The following JRK variants were observed in gnomAD, a reference collection of about 807,000 sequenced individuals.
JRK encodes the protein Jrk helix-turn-helix protein.
For synonymous variants in JRK, 303 were observed against 218.1 expected, an observed-to-expected ratio of 1.39 and a Z score of -3.43; for missense variants, 720 against 509.2, an observed-to-expected ratio of 1.41 and a Z score of -3.98.
Position 142,659,920 on chromosome 8 carries a change from G to A in JRK, c.*4432C>T, listed in dbSNP as rs587665149. On this transcript the variant is annotated 3_prime_UTR_variant, in exon 2 of 2. Transcript: ENST00000612905. ...CATTTCATGTCATCATCACTGCCCT[G>A]CAAGGGAAACAACAGATGTGCAAGG... 27 of 985,558 alleles carry A rather than the reference G, an allele frequency of 2.7e-5. No individual in the cohort carries two copies. The South Asian group carries it at 1.2e-3, about 43-fold the overall frequency. 61.1% of individuals were successfully genotyped at this position (985,558 alleles called of 1,614,324 possible). A position where few individuals can be genotyped will look rare whatever the true frequency, so the allele number is the denominator to read the frequency against.
chr8:142,663,201 G>A lies in JRK; in HGVS notation c.*1151C>T. On this transcript the variant is annotated 3_prime_UTR_variant, in exon 2 of 2. Coordinates refer to ENST00000612905, the MANE Select transcript of JRK (RefSeq NM_003724.4). ...CTATTTTATGCTCGCTGAAAGACGA[G>A]GCTAATCACTGTGGACACAGGGCGT... The A allele has an allele frequency of 1.0e-6, 1 of 985,470 alleles. No individual in the cohort carries two copies. The highest frequency in any genetic ancestry group is 1.2e-6 in the Non-Finnish European group (1 of 829,940). 61.0% of individuals were successfully genotyped at this position (985,470 alleles called of 1,614,324 possible).
rs3802232 is a variant in JRK, at chr8:142,665,282, G to A, written c.777C>T (p.Asn259=). 421,322 of 717,598 alleles carry A rather than the reference G, an allele frequency of 0.59. 127,237 individuals are homozygous for A. The highest frequency in any genetic ancestry group is 0.69 in the Admixed American group (34,498 of 49,994). The allele number at this position is 717,598 out of a possible 1,614,324, so 44.5% of individuals were successfully genotyped here. ...AAAAAATCTCCTTGTCCACCCAGGC[G>A]TTCCCCTGGGCCTTATAGGCGACGG... ...HLPVAYKAQG[N]AWVDKEIFSD... Residue 259 remains asparagine (N), a synonymous_variant, in exon 2 of 2, where the codon AAC becomes AAT. Coordinates refer to ENST00000612905, the MANE Select transcript of JRK (RefSeq NM_003724.4).
rs151294612 is a variant in JRK, at chr8:142,660,131, T to A, written c.*4221A>T. 934 of 985,392 alleles carry A rather than the reference T, an allele frequency of 9.5e-4. 5 individuals carry two copies. In the African/African-American group the frequency reaches 0.015, roughly 16 times the overall value. 61.0% of individuals were successfully genotyped at this position (985,392 alleles called of 1,614,324 possible). On this transcript the variant is annotated 3_prime_UTR_variant, in exon 2 of 2. Transcript: ENST00000612905. The stretch of plus-strand genomic sequence containing the variant: ...TGGGCAGGGAAGAGGACAAACAAGG[T>A]CTCACAGGTCCATTCTCCCCAGCCT...
At position 142,661,990 on chromosome 8, in the gene JRK, A is replaced by G. The variant is rs1846930975; in HGVS notation, c.*2362T>C. On this transcript the variant is annotated 3_prime_UTR_variant, in exon 2 of 2. Transcript: ENST00000612905. ...CTGGGCTCCCTAAAAACCTCACTCC[A>G]GCAGCGAGCCCAGGTGAGGAGGGGC... is the stretch of plus-strand genomic sequence containing the variant. 1.0e-6 allele frequency: 1 copy of G among 985,398 alleles called. No individual in the cohort carries two copies. The highest frequency in any genetic ancestry group is 1.2e-6 in the Non-Finnish European group (1 of 830,030). The allele number at this position is 985,398 out of a possible 1,614,324, so 61.0% of individuals were successfully genotyped here. A position where few individuals can be genotyped will look rare whatever the true frequency, so the allele number is the denominator to read the frequency against.
the JRK span, among the ~76,000 whole-genome samples, chr8:142,644,162 T>C: frequency 2.6e-5 from 4 of 152,128 alleles, no homozygotes; most frequent in South Asian, 6.2e-4. Context: ...TATTAAAAAC[T>C]TGTATGCAAG....
chr8:142,657,020 G>A (rs975716746), downstream of JRK, among the ~76,000 whole-genome samples: 3 of 152,176 alleles, frequency 2.0e-5, no homozygotes, highest in Non-Finnish European at 4.4e-5. Flanking sequence ...CTTAGGAATT[G>A]CCAACTCCTC....
chr8:142,649,253 A>G, the JRK span, among the ~76,000 whole-genome samples: 3 of 152,192 alleles, frequency 2.0e-5, no homozygotes, highest in Non-Finnish European at 2.9e-5. Context: ...TGGTTTTGAA[A>G]TGTAAGGACA....
rs1056012 is a variant in JRK at position 142,658,755 on chromosome 8, G to A, written c.*5597C>T. ...CAGTCCTTAACACCATCGTCATGGAGATGGAGGCCACAGACCTACCAACAC... is the reference window on the plus strand; with the variant it reads ...CAGTCCTTAACACCATCGTCATGGAAATGGAGGCCACAGACCTACCAACAC... On this transcript the variant is annotated 3_prime_UTR_variant, in exon 2 of 2. Transcript: ENST00000612905. 0.65 allele frequency: 984,508 copies of A among 1,506,020 alleles called. 327,731 individuals are homozygous for A. Among genetic ancestry groups the A allele is most frequent in the Admixed American group, 0.71 (33,398 of 46,900 alleles). 93.3% of individuals were successfully genotyped at this position (1,506,020 alleles called of 1,614,324 possible).
At chr8:142,652,406 A>G in the JRK span, among the ~76,000 whole-genome samples, 2 of 152,212 alleles carry the variant, frequency 1.3e-5, no homozygotes, top group South Asian at 2.1e-4. Flanking sequence ...CATATGTAAG[A>G]TAAACATTGG....
At chr8:142,666,893 A>G (rs1587532263) in intron 1 of JRK, among the ~76,000 whole-genome samples, 1 of 152,000 alleles carries the variant, frequency 6.6e-6, no homozygotes, top group African/African-American at 2.4e-5. Flanking sequence ...CAAACCTCCC[A>G]CCCGCCCAGC....
Position 142,663,327 on chromosome 8 carries a change from C to A in JRK, c.*1025G>T. 2 of 985,432 alleles carry A rather than the reference C, an allele frequency of 2.0e-6. No individual in the cohort carries two copies. Among genetic ancestry groups the A allele is most frequent in the Non-Finnish European group, 2.4e-6 (2 of 829,934 alleles). The allele number at this position is 985,432 out of a possible 1,614,324, so 61.0% of individuals were successfully genotyped here. On this transcript the variant is annotated 3_prime_UTR_variant, in exon 2 of 2. Transcript: ENST00000612905. ...AAATAACCACATCCTCTTACAACCG[C>A]CTCTGTGAAAACTGACCAGGACAGA...
Position 142,666,097 on chromosome 8 carries a change from G to A in JRK, c.-39C>T, listed in dbSNP as rs781880718. 3.5e-4 allele frequency: 543 copies of A among 1,570,732 alleles called. No homozygotes were observed. The highest frequency in any genetic ancestry group is 3.7e-4 in the Non-Finnish European group (434 of 1,158,736). ...TGGTCCTAGCACTTGCAGGACACAC[G>A]CCTGGCCTGGGCTGCTGCCACTACT... is the stretch of plus-strand genomic sequence containing the variant. On this transcript the variant is annotated 5_prime_UTR_variant, in exon 2 of 2. Transcript: ENST00000612905.
rs1247276428 is a variant in JRK, at chr8:142,659,440, C to T, written c.*4912G>A. 2 of 986,248 alleles carry T rather than the reference C, an allele frequency of 2.0e-6. No homozygotes were observed. The highest frequency in any genetic ancestry group is 2.4e-6 in the Non-Finnish European group (2 of 830,486). 61.1% of individuals were successfully genotyped at this position (986,248 alleles called of 1,614,324 possible). On this transcript the variant is annotated 3_prime_UTR_variant, in exon 2 of 2. Transcript: ENST00000612905. Reference sequence around the variant, plus strand: ...AGACATAGAGGGCCTTTGAGCACCTCGTAGCTTGCTTCCCAGCCAGCCTGG... The same window carrying T: ...AGACATAGAGGGCCTTTGAGCACCTTGTAGCTTGCTTCCCAGCCAGCCTGG...
chr8:142,669,866 G>C (rs1372730674), intron 1 of JRK, 66 bp downstream of exon 1: 1 of 152,478 alleles, frequency 6.6e-6, no homozygotes, highest in Admixed American at 6.6e-5. Flanking sequence ...ACCAGGGACC[G>C]GAGAGCGCCC....
chr8:142,647,898 C>T, the JRK span, among the ~76,000 whole-genome samples: 9 of 152,286 alleles, frequency 5.9e-5, no homozygotes, highest in African/African-American at 1.7e-4. Context: ...AATGGCTTTG[C>T]CCAAAATGCT....
chr8:142,655,096 T>C (rs1846723314), downstream of JRK, among the ~76,000 whole-genome samples: 1 of 152,136 alleles, frequency 6.6e-6, no homozygotes, highest in African/African-American at 2.4e-5. Context: ...CCAGGCTGGA[T>C]CCCTCTCTGC....
In JRK at chr8:142,665,283, T is replaced by A. The variant is rs879983712; in HGVS notation, c.776A>T (p.Asn259Ile). Residue 259 changes from asparagine (N) to isoleucine (I), a missense_variant, in exon 2 of 2, where the codon AAC becomes ATC. Transcript: ENST00000612905. ...HLPVAYKAQG[N>I]AWVDKEIFSD... ...AAAAATCTCCTTGTCCACCCAGGCG[T>A]TCCCCTGGGCCTTATAGGCGACGGG... 5.6e-6 allele frequency: 4 copies of A among 717,732 alleles called. No individual in the cohort carries two copies. Among genetic ancestry groups the A allele is most frequent in the Non-Finnish European group, 1.0e-5 (4 of 385,100 alleles). The allele number at this position is 717,732 out of a possible 1,614,324, so 44.5% of individuals were successfully genotyped here. A position where few individuals can be genotyped will look rare whatever the true frequency, so the allele number is the denominator to read the frequency against.
In JRK at chr8:142,664,530, T is replaced by C; in HGVS notation, c.1529A>G (p.Gln510Arg). The change falls in exon 2 of 2, where the codon CAG becomes CGG. Residue 510 changes from glutamine to arginine, a missense_variant. Gln to Arg is a conservative substitution (Grantham distance 43). Coordinates refer to ENST00000612905, the MANE Select transcript of JRK (RefSeq NM_003724.4). Reference protein sequence around the residue: ...FAERQPCFSAQEVGQLRALRA... With the variant: ...FAERQPCFSAREVGQLRALRA... ...CAGCGCCCGCAGCTGCCCCACTTCC[T>C]GCGCACTGAAGCATGGCTGCCGCTC... 1 of 1,608,994 alleles carries C rather than the reference T, an allele frequency of 6.2e-7. No homozygotes were observed. The highest frequency in any genetic ancestry group is 8.5e-7 in the Non-Finnish European group (1 of 1,178,502).
chr8:142,666,135 T>C lies in JRK; in HGVS notation c.-77A>G. 6.5e-7 allele frequency: 1 copy of C among 1,549,608 alleles called. No homozygotes were observed. The highest frequency in any genetic ancestry group is 8.7e-7 in the Non-Finnish European group (1 of 1,146,886). On this transcript the variant is annotated 5_prime_UTR_variant, in exon 2 of 2. Coordinates refer to ENST00000612905, the MANE Select transcript of JRK (RefSeq NM_003724.4). ...TGCTGCCACTACTTCCCTCTCCTCC[T>C]GCTCCCCTTCTGGGGCTCCGTCTCT...
Sources: gnomAD v4.1 joint callset for allele counts (sites outside exome capture counted in the v4.1 genomes callset) on GRCh38, gnomAD v4.1.1 for gene constraint, MANE v1.5 for transcripts, NCBI Gene and HGNC (gene_info 2026-07-23, HGNC 2026-07-21) for gene names.